B3GAT2: variants seen among roughly 807,000 people sequenced by gnomAD.
The protein encoded by B3GAT2 is galactosylgalactosylxylosylprotein 3-beta-glucuronosyltransferase 2.
A neutral mutation model predicts 27.8 loss-of-function variants in B3GAT2; 26 were observed. That is an observed-to-expected ratio of 0.93 (90% CI 0.68 to 1.30). The LOEUF (loss-of-function observed/expected upper bound fraction) is 1.30. Ranked by LOEUF, B3GAT2 falls within the 50% of genes most tolerant of loss-of-function variation. The pLI, the probability that B3GAT2 is intolerant of heterozygous loss-of-function variation, is 0.00. For missense variants in B3GAT2, 458 were observed against 459.0 expected (o/e 1.00, Z 0.02); for synonymous variants, 218 against 195.1 (o/e 1.12, Z -0.98).
intron 2 of B3GAT2, among the ~76,000 whole-genome samples, chr6:70,882,514 T>G (rs1305997787): frequency 6.6e-6 from 1 of 151,532 alleles, no homozygotes; most frequent in African/African-American, 2.4e-5. Flanking sequence ...AAATAAAAAA[T>G]AAAAATAAAT....
At chr6:70,940,399 T>G (rs2150049211) in intron 1 of B3GAT2, among the ~76,000 whole-genome samples, 1 of 152,180 alleles carries the variant, frequency 6.6e-6, no homozygotes, top group Admixed American at 6.5e-5. Flanking sequence ...TGGGATCCTT[T>G]CCACCTCCTC....
At chr6:70,943,952 G>A (rs1489102372) in intron 1 of B3GAT2, among the ~76,000 whole-genome samples, 1 of 152,154 alleles carries the variant, frequency 6.6e-6, no homozygotes, top group Non-Finnish European at 1.5e-5. Context: ...GATTTTAAAT[G>A]TTTTCACCAC....
In B3GAT2 at chr6:70,955,961, T is replaced by G. The variant is rs773719748; in HGVS notation, c.469A>C (p.Thr157Pro). 8.6e-6 allele frequency: 13 copies of G among 1,509,756 alleles called. No homozygotes were observed. Among genetic ancestry groups the G allele is most frequent in the Non-Finnish European group, 7.9e-6 (9 of 1,135,450 alleles). 93.5% of individuals were successfully genotyped at this position (1,509,756 alleles called of 1,614,324 possible). ...RYKRPGLPRATEQRNAGLAWL... is the reference protein window; with the variant it reads ...RYKRPGLPRAPEQRNAGLAWL... Reference sequence around the variant, plus strand: ...GCGAGGCCCGCGTTGCGCTGCTCAGTGGCGCGCGGCAGCCCGGGCCGCTTG... The same window carrying G: ...GCGAGGCCCGCGTTGCGCTGCTCAGGGGCGCGCGGCAGCCCGGGCCGCTTG... Residue 157 changes from threonine to proline, a missense_variant, in exon 1 of 4, where the codon ACT becomes CCT. Transcript: ENST00000230053.
intron 1 of B3GAT2, among the ~76,000 whole-genome samples, chr6:70,952,240 A>G (rs1333991321): frequency 6.6e-6 from 1 of 152,186 alleles, no homozygotes; most frequent in Non-Finnish European, 1.5e-5. Context: ...ATGCAATCTC[A>G]GTCACTGACT....
At chr6:70,883,460 CAAAA>C (rs79996173) in intron 2 of B3GAT2, among the ~76,000 whole-genome samples, 3 of 100,280 alleles carry the variant, frequency 3.0e-5, no homozygotes, top group Admixed American at 1.1e-4. Flanking sequence ...GCTCAATAAG[CAAAA>C]AAAAAAAAAA....
At chr6:70,876,131 C>A (rs1772010195) in intron 2 of B3GAT2, among the ~76,000 whole-genome samples, 1 of 152,164 alleles carries the variant, frequency 6.6e-6, no homozygotes, top group Admixed American at 6.5e-5. Flanking sequence ...ACATGCTTGA[C>A]ATGGCCTGGG....
At chr6:70,925,974 T>C (rs1436791724) in intron 1 of B3GAT2, among the ~76,000 whole-genome samples, 1 of 152,142 alleles carries the variant, frequency 6.6e-6, no homozygotes, top group Non-Finnish European at 1.5e-5. Context: ...CAGCAACATT[T>C]GCCGTTCTGC....
At chr6:70,862,543 G>A (rs1484717959) in intron 2 of B3GAT2, among the ~76,000 whole-genome samples, 1 of 152,094 alleles carries the variant, frequency 6.6e-6, no homozygotes, top group African/African-American at 2.4e-5. Context: ...TTCTAATTTG[G>A]TTCAATCTAA....
chr6:70,874,954 G>C (rs1771990137), intron 2 of B3GAT2, among the ~76,000 whole-genome samples: 3 of 151,792 alleles, frequency 2.0e-5, no homozygotes, highest in Admixed American at 2.0e-4. Flanking sequence ...GATGGAAATA[G>C]GGCAAATTGA....
chr6:70,859,205 C>A lies in B3GAT2; in HGVS notation c.*2458G>T. ...TAGGTAAAACATTGGTCTCTACCCGCTGGGAATCTAAAAAATTGTATGTGC... is the reference window on the plus strand; with the variant it reads ...TAGGTAAAACATTGGTCTCTACCCGATGGGAATCTAAAAAATTGTATGTGC... On this transcript the variant is annotated 3_prime_UTR_variant, in exon 4 of 4. Coordinates refer to ENST00000230053, the MANE Select transcript of B3GAT2 (RefSeq NM_080742.3). 1.6e-6 allele frequency: 1 copy of A among 609,390 alleles called. No homozygotes were observed. The allele number at this position is 609,390 out of a possible 1,614,324, so 37.7% of individuals were successfully genotyped here. A position where few individuals can be genotyped will look rare whatever the true frequency, so the allele number is the denominator to read the frequency against.
chr6:70,943,479 T>A (rs991036875), intron 1 of B3GAT2, among the ~76,000 whole-genome samples: 10 of 152,222 alleles, frequency 6.6e-5, no homozygotes, highest in African/African-American at 2.4e-4. Flanking sequence ...CTGCTTCACA[T>A]AATTCTGTAT....
chr6:70,942,655 GCT>G (rs1240509405), intron 1 of B3GAT2, among the ~76,000 whole-genome samples: 1 of 152,158 alleles, frequency 6.6e-6, no homozygotes, highest in Non-Finnish European at 1.5e-5. Flanking sequence ...GGGCTGAGAT[GCT>G]CTCTGTTTCA....
At chr6:70,946,251 T>C (rs1045783591) in intron 1 of B3GAT2, among the ~76,000 whole-genome samples, 12 of 152,090 alleles carry the variant, frequency 7.9e-5, no homozygotes, top group African/African-American at 2.9e-4. Flanking sequence ...ATGGACTAAA[T>C]GCTCCAATTA....
intron 2 of B3GAT2, among the ~76,000 whole-genome samples, chr6:70,870,653 A>AAC (rs1322544754): frequency 2.6e-5 from 4 of 152,166 alleles, no homozygotes; most frequent in African/African-American, 9.7e-5. Context: ...CAAACAAACA[A>AAC]AAAAACAGTT....
chr6:70,930,542 A>T (rs1562232396), intron 1 of B3GAT2, among the ~76,000 whole-genome samples: 1 of 152,254 alleles, frequency 6.6e-6, no homozygotes, highest in Non-Finnish European at 1.5e-5. Flanking sequence ...GGATATGAAC[A>T]GACACTTCTC....
At position 70,886,028 on chromosome 6, in the gene B3GAT2, G is replaced by A. The variant is rs534297760; in HGVS notation, c.736+8100C>T. The stretch of plus-strand genomic sequence containing the variant: ...GCACAGTCTTGTTTCTTGGTTAAGA[G>A]TGACATTCACCAAGTGTCTACAATG... On this transcript the variant is annotated intron_variant, in intron 2 of 3. Coordinates refer to ENST00000230053, the MANE Select transcript of B3GAT2 (RefSeq NM_080742.3). Among the ~76,000 whole-genome samples, 42 of 152,366 alleles carry A rather than the reference G, an allele frequency of 2.8e-4. 1 individual carries two copies. The South Asian group carries it at 8.7e-3, about 32-fold the overall frequency.
chr6:70,947,586 T>G (rs1477265508), intron 1 of B3GAT2, among the ~76,000 whole-genome samples: 1 of 151,554 alleles, frequency 6.6e-6, no homozygotes, highest in Non-Finnish European at 1.5e-5. Flanking sequence ...GTGGGAATAA[T>G]CAATAGCTTA....
chr6:70,906,049 A>G (rs146286516), intron 1 of B3GAT2, among the ~76,000 whole-genome samples: 66 of 152,184 alleles, frequency 4.3e-4, no homozygotes, highest in African/African-American at 1.4e-3. Context: ...ATTTTCCCAA[A>G]TGAGTTCTAA....
At chr6:70,896,505 C>A (rs1026650134) in intron 1 of B3GAT2, among the ~76,000 whole-genome samples, 3 of 152,190 alleles carry the variant, frequency 2.0e-5, no homozygotes, top group African/African-American at 7.2e-5. Context: ...CCAGCACCCC[C>A]AAAAATTTCC....
Sources: gnomAD v4.1 joint callset for allele counts (sites outside exome capture counted in the v4.1 genomes callset) on GRCh38, gnomAD v4.1.1 for gene constraint, MANE v1.5 for transcripts, NCBI Gene and HGNC (gene_info 2026-07-23, HGNC 2026-07-21) for gene names.